PCDH7: variants seen among roughly 807,000 people sequenced by gnomAD.
PCDH7 encodes the protein protocadherin 7.
PCDH7 carries 17 observed loss-of-function variants against 58.9 expected under a neutral mutation model. That is an observed-to-expected ratio of 0.29 (90% CI 0.20 to 0.43). The LOEUF is 0.43. Among genes scored for constraint, PCDH7 ranks in the 20% least tolerant of loss-of-function variants. PCDH7 has a pLI of 1.00. For synonymous variants in PCDH7, 664 were observed against 616.4 expected (o/e 1.08, Z -1.14); for missense variants, 1,274 against 1,441.0 (o/e 0.88, Z 1.88).
At chr4:30,881,196 C>T (rs1344807331) in intron 1 of PCDH7, among the ~76,000 whole-genome samples, 2 of 151,884 alleles carry the variant, frequency 1.3e-5, no homozygotes, top group South Asian at 2.1e-4. Flanking sequence ...CTTTTGGTGC[C>T]GTCAGCAGGT....
At chr4:31,036,225 AC>A (rs1288233162) in intron 3 of PCDH7, among the ~76,000 whole-genome samples, 1 of 152,140 alleles carries the variant, frequency 6.6e-6, no homozygotes, top group African/African-American at 2.4e-5. Flanking sequence ...TCACTCTGTC[AC>A]CCAGGTTGGA....
chr4:30,928,298 G>A (rs1406588716), intron 2 of PCDH7, among the ~76,000 whole-genome samples: 1 of 152,140 alleles, frequency 6.6e-6, no homozygotes, highest in African/African-American at 2.4e-5. Context: ...CTCTTCTAAG[G>A]TAAAATACTT....
chr4:30,964,213 CAGT>C (rs1357599021), intron 3 of PCDH7, among the ~76,000 whole-genome samples: 2 of 150,732 alleles, frequency 1.3e-5, no homozygotes, highest in African/African-American at 4.9e-5. Context: ...GCTTCCTCAG[CAGT>C]AGTAGTTTTA....
intron 3 of PCDH7, among the ~76,000 whole-genome samples, chr4:30,964,619 T>TG (rs1167078186): frequency 2.0e-5 from 3 of 151,360 alleles, no homozygotes; most frequent in Non-Finnish European, 4.4e-5. Flanking sequence ...ATGGACTTTT[T>TG]TTTTTTTTTT....
rs777415352 is a variant in PCDH7, at chr4:30,723,133, G to A, written c.1711G>A (p.Ala571Thr). ...AGACAGCGGTAAGAACGCCGAGATC[G>A]CCTACTCGCTGGACTCCTCTGTGAT... Residue 571 changes from alanine to threonine, a missense_variant, in exon 1 of 2, where the codon GCC becomes ACC. Transcript: ENST00000361762. The surrounding 1 kb of genome is among the most constrained non-coding windows in gnomAD (Gnocchi z 4.6). The A allele has an allele frequency of 1.2e-5, 20 of 1,613,922 alleles. No individual in the cohort carries two copies. Among genetic ancestry groups the A allele is most frequent in the Non-Finnish European group, 1.7e-5 (20 of 1,180,036 alleles).
At chr4:30,936,482 A>G (rs1016700174) in intron 2 of PCDH7, among the ~76,000 whole-genome samples, 2 of 152,090 alleles carry the variant, frequency 1.3e-5, no homozygotes, top group African/African-American at 4.8e-5. Flanking sequence ...TTTTTGTTTG[A>G]TATTTAATAG....
chr4:31,132,939 C>A (rs1719167868), intron 3 of PCDH7, among the ~76,000 whole-genome samples: 1 of 152,172 alleles, frequency 6.6e-6, no homozygotes, highest in Non-Finnish European at 1.5e-5. Flanking sequence ...TAAACAGAAT[C>A]TTGCAGATTA....
intron 1 of PCDH7, among the ~76,000 whole-genome samples, chr4:30,878,402 T>C (rs1736552920): frequency 6.6e-6 from 1 of 152,134 alleles, no homozygotes; most frequent in Non-Finnish European, 1.5e-5. Context: ...GAAGTGTCTT[T>C]CTGAGCTTCC....
chr4:31,131,894 A>T (rs1274150567), intron 3 of PCDH7, among the ~76,000 whole-genome samples: 1 of 152,172 alleles, frequency 6.6e-6, no homozygotes, highest in Non-Finnish European at 1.5e-5. Flanking sequence ...TTATTACATT[A>T]AAAAAATTAG....
chr4:30,865,477 C>T (rs1734764308), intron 1 of PCDH7, among the ~76,000 whole-genome samples: 1 of 151,938 alleles, frequency 6.6e-6, no homozygotes, highest in Non-Finnish European at 1.5e-5. Flanking sequence ...GAAGGCTGTT[C>T]ACTGAATCTC....
intron 3 of PCDH7, among the ~76,000 whole-genome samples, chr4:31,023,073 A>T (rs1243387916): frequency 6.6e-6 from 1 of 152,202 alleles, no homozygotes; most frequent in African/African-American, 2.4e-5. Flanking sequence ...TTTGCAATGG[A>T]CATTGAAACA....
At chr4:30,814,207 G>T (rs1211506869) in intron 1 of PCDH7, among the ~76,000 whole-genome samples, 2 of 151,420 alleles carry the variant, frequency 1.3e-5, no homozygotes, top group Non-Finnish European at 2.9e-5. Flanking sequence ...AGGTGTGTTT[G>T]TGTGTGTGTG....
At chr4:30,753,527 A>G (rs552639267) in intron 1 of PCDH7, among the ~76,000 whole-genome samples, 2 of 152,356 alleles carry the variant, frequency 1.3e-5, no homozygotes, top group South Asian at 4.1e-4. Context: ...AAAGGCTAGC[A>G]GTAGCACGCC....
intron 1 of PCDH7, among the ~76,000 whole-genome samples, chr4:30,789,812 G>A (rs1242422721): frequency 6.6e-6 from 1 of 152,110 alleles, no homozygotes; most frequent in Non-Finnish European, 1.5e-5. Flanking sequence ...TAGAAGATTA[G>A]ACGAGAGAGT....
In PCDH7 at chr4:30,723,221, A is replaced by C. The variant is rs2109227105; in HGVS notation, c.1799A>C (p.Glu600Ala). The change falls in exon 1 of 2, where the codon GAG (glutamate) becomes GCG (alanine). Residue 600 changes from glutamate (E) to alanine (A), a missense_variant. This residue lies in a region of PCDH7 where 731 missense variants were observed against 881.9 expected (regional missense o/e 0.83). Transcript: ENST00000361762. The surrounding 1 kb of genome is among the most constrained non-coding windows in gnomAD (Gnocchi z 4.6). ...CTGGTCAATACCGTGCTGGACCGCG[A>C]GCAGACTGACAGGTATGAGTTTAAA... The C allele has an allele frequency of 6.2e-7, 1 of 1,614,210 alleles. No individual in the cohort carries two copies. The highest frequency in any genetic ancestry group is 8.5e-7 in the Non-Finnish European group (1 of 1,180,044).
intron 3 of PCDH7, among the ~76,000 whole-genome samples, chr4:31,017,251 A>T (rs1753690412): frequency 6.6e-6 from 1 of 152,156 alleles, no homozygotes; most frequent in Admixed American, 6.5e-5. Flanking sequence ...TTAACATAAG[A>T]CATAATTTAT....
chr4:30,794,748 A>G (rs576976764), intron 1 of PCDH7, among the ~76,000 whole-genome samples: 17 of 152,082 alleles, frequency 1.1e-4, no homozygotes, highest in Non-Finnish European at 2.1e-4. Context: ...TTTTAATACA[A>G]TCGATTGAAA....
chr4:30,983,645 T>A (rs1335124367), intron 3 of PCDH7, among the ~76,000 whole-genome samples: 1 of 152,216 alleles, frequency 6.6e-6, no homozygotes, highest in Non-Finnish European at 1.5e-5. Flanking sequence ...CATATTTTTG[T>A]TTCTAAAACT....
chr4:31,103,047 A>G (rs1046394479), intron 3 of PCDH7, among the ~76,000 whole-genome samples: 3 of 152,214 alleles, frequency 2.0e-5, no homozygotes, highest in African/African-American at 7.2e-5. Flanking sequence ...TACATGTGGC[A>G]TATAGAAAAA....
Sources: gnomAD v4.1 joint callset for allele counts (sites outside exome capture counted in the v4.1 genomes callset) on GRCh38, gnomAD v4.1.1 for gene constraint, gnomAD v4.1.1 regional missense constraint, Gnocchi (gnomAD v3.1) non-coding constraint, MANE v1.5 for transcripts, NCBI Gene and HGNC (gene_info 2026-07-23, HGNC 2026-07-21) for gene names.